The following VIL1 variants were observed in gnomAD, a reference collection of about 807,000 sequenced individuals.
VIL1 encodes the protein villin-1.
In VIL1, 86 loss-of-function variants were observed where a neutral mutation model predicts 104.0. The observed-to-expected ratio is 0.83, with a 90% CI of 0.69 to 0.99. The LOEUF (loss-of-function observed/expected upper bound fraction) is 0.99. VIL1 is among the 50% of genes least tolerant of loss of function. The pLI is 0.00. For synonymous variants in VIL1, 394 were observed against 412.6 expected, an observed-to-expected ratio of 0.95 and a Z score of 0.55; for missense variants, 944 against 1,054.1, an observed-to-expected ratio of 0.90 and a Z score of 1.45.
chr2:218,437,443 T>C (rs2106395149), intron 17 of VIL1, 131 bp downstream of exon 17: 1 of 1,243,766 alleles, frequency 8.0e-7, no homozygotes, highest in Non-Finnish European at 1.1e-6. Context: ...AGGCTTAGAA[T>C]AGAAAGTAAG....
intron 1 of VIL1, among the ~76,000 whole-genome samples, chr2:218,419,902 A>G (rs573286390): frequency 3.3e-5 from 5 of 152,268 alleles, no homozygotes; most frequent in African/African-American, 7.2e-5. Context: ...TTCTCGGGAC[A>G]TCATCTGCTG....
At chr2:218,428,168 A>G (rs542702696) in intron 5 of VIL1, 59 bp from the exon 6 acceptor site, 1 of 1,601,846 alleles carries the variant, frequency 6.2e-7, no homozygotes, top group East Asian at 2.2e-5. Context: ...GGGATGGCCA[A>G]GATGATGGAT....
rs144272948 is a variant in VIL1 at position 218,432,174 on chromosome 2, C to T, written c.1332C>T (p.Tyr444=). 4.2e-5 allele frequency: 67 copies of T among 1,612,740 alleles called. No individual in the cohort carries two copies. Among genetic ancestry groups the T allele is most frequent in the Middle Eastern group, 1.7e-4 (1 of 5,884 alleles). Residue 444 remains tyrosine, a synonymous_variant, in exon 12 of 20, where the codon TAC becomes TAT. Coordinates refer to ENST00000248444, the MANE Select transcript of VIL1 (RefSeq NM_007127.3). ...GCGAGAAGCAGCATTACCTGCTCTA[C>T]GTTTGGCAGGTCAGGTCCCGCCACG... The part of the protein sequence containing the change: ...LIGEKQHYLL[Y]VWQGSQASQD...
intron 8 of VIL1, 21 bp from the exon 9 acceptor site, chr2:218,429,828 T>C (rs768806678): frequency 6.2e-7 from 1 of 1,609,282 alleles, no homozygotes; most frequent in Non-Finnish European, 8.5e-7. Flanking sequence ...TCCATCAGAC[T>C]CTTACCTCTC....
chr2:218,421,505 G>A (rs1480859088), intron 1 of VIL1, among the ~76,000 whole-genome samples: 1 of 152,118 alleles, frequency 6.6e-6, no homozygotes, highest in Non-Finnish European at 1.5e-5. Flanking sequence ...GACGGGCCCT[G>A]GTCTTCCTGG....
chr2:218,433,473 C>T (rs1377369458), intron 13 of VIL1, among the ~76,000 whole-genome samples: 1 of 151,826 alleles, frequency 6.6e-6, no homozygotes, highest in African/African-American at 2.4e-5. Flanking sequence ...TGCGGTGGCT[C>T]TCACCTGTAA....
Position 218,436,732 on chromosome 2 carries a change from A to G in VIL1, c.1971+106A>G. On this transcript the variant is annotated intron_variant, in intron 16 of 19. Transcript: ENST00000248444. ...AAGTGTCAATGTTTTCTTGGCCCTT[A>G]CATAATTTCTCCCTGGAAATGGTAT... The G allele has an allele frequency of 2.2e-6, 3 of 1,392,804 alleles. No individual in the cohort carries two copies. In the South Asian group the frequency reaches 4.2e-5, roughly 20 times the overall value. 86.3% of individuals were successfully genotyped at this position (1,392,804 alleles called of 1,614,324 possible).
At chr2:218,443,748 G>A (rs546299332) in intron 19 of VIL1, among the ~76,000 whole-genome samples, 3 of 150,326 alleles carry the variant, frequency 2.0e-5, no homozygotes, top group Admixed American at 1.3e-4. Context: ...TCCGCCTCCC[G>A]AGTTCAAGCA....
intron 4 of VIL1, 87 bp from the exon 5 acceptor site, chr2:218,427,878 C>G (rs1689029504): frequency 7.7e-7 from 1 of 1,306,912 alleles, no homozygotes; most frequent in Admixed American, 1.7e-5. Context: ...CTCACGTGAC[C>G]CCAGCGTGGC....
chr2:218,449,249 T>C lies in VIL1; in HGVS notation c.2397T>C (p.Thr799=). 3.1e-6 allele frequency: 5 copies of C among 1,614,042 alleles called. No individual in the cohort carries two copies. The highest frequency in any genetic ancestry group is 4.2e-6 in the Non-Finnish European group (5 of 1,179,924). Residue 799 remains threonine, a synonymous_variant, in exon 20 of 20, where the codon ACT becomes ACC. Transcript: ENST00000248444. ...AACACCTGTCCATTGAAGATTTCACTCAGGCCTTTGGGATGACTCCAGCTG... is the reference window on the plus strand; with the variant it reads ...AACACCTGTCCATTGAAGATTTCACCCAGGCCTTTGGGATGACTCCAGCTG... ...KEEHLSIEDF[T]QAFGMTPAAF...
In VIL1 at chr2:218,451,619, C is replaced by A. The variant is rs1239080914; in HGVS notation, c.*2283C>A. On this transcript the variant is annotated 3_prime_UTR_variant, in exon 20 of 20. Coordinates refer to ENST00000248444, the MANE Select transcript of VIL1 (RefSeq NM_007127.3). ...GTATAGTTACATAATGGTAACTACA[C>A]ACGATACAGAAGAATCAGTAAATTC... 2 of 151,832 alleles carry A rather than the reference C, an allele frequency of 1.3e-5. No individual in the cohort carries two copies. The highest frequency in any genetic ancestry group is 4.8e-5 in the African/African-American group (2 of 41,342). The allele number at this position is 151,832 out of a possible 1,614,324, so 9.4% of individuals were successfully genotyped here. A position where few individuals can be genotyped will look rare whatever the true frequency, so the allele number is the denominator to read the frequency against.
At chr2:218,434,440 C>T in intron 13 of VIL1, 86 bp from the exon 14 acceptor site, 1 of 1,415,326 alleles carries the variant, frequency 7.1e-7, no homozygotes, top group Non-Finnish European at 9.6e-7. Flanking sequence ...ACCTCCCCGC[C>T]CTACCCTATC....
chr2:218,431,220 G>T (rs767109627), intron 10 of VIL1: 25 of 469,292 alleles, frequency 5.3e-5, no homozygotes, highest in Non-Finnish European at 8.2e-5. Context: ...GCATGGTGGT[G>T]CATGCCTGTA....
chr2:218,422,165 G>T (rs1688907477), intron 1 of VIL1, among the ~76,000 whole-genome samples: 1 of 152,136 alleles, frequency 6.6e-6, no homozygotes, highest in African/African-American at 2.4e-5. Context: ...TGAGGCAGGA[G>T]AATCACTTGA....
rs116520200 is a variant in VIL1, at chr2:218,427,848, C to T, written c.348-117C>T. ...TGCGCCCTCAGCACCTCATTGACCT[C>T]GCCTACTCCCACCCTGGCCCTCACG... On this transcript the variant is annotated intron_variant, in intron 4 of 19. Transcript: ENST00000248444. 1.9e-5 allele frequency: 17 copies of T among 897,144 alleles called. No homozygotes were observed. The African/African-American group carries it at 2.0e-4, about 10-fold the overall frequency. The allele number at this position is 897,144 out of a possible 1,614,324, so 55.6% of individuals were successfully genotyped here.
Position 218,430,753 on chromosome 2 carries a change from C to A in VIL1, c.977C>A (p.Pro326Gln), listed in dbSNP as rs759904250. ...LNFIKAKQYP[P>Q]STQVEVQNDG... Reference sequence around the variant, plus strand: ...TTCATCAAAGCCAAGCAGTACCCACCAAGCACACAGGTGGAGGTGCAGAAT... The same window carrying A: ...TTCATCAAAGCCAAGCAGTACCCACAAAGCACACAGGTGGAGGTGCAGAAT... The change falls in exon 10 of 20, where the codon CCA becomes CAA. Residue 326 changes from proline to glutamine, a missense_variant. Pro to Gln is a moderately conservative substitution (Grantham distance 76). Coordinates refer to ENST00000248444, the MANE Select transcript of VIL1 (RefSeq NM_007127.3). The A allele has an allele frequency of 1.3e-5, 21 of 1,608,910 alleles. No individual in the cohort carries two copies. The Admixed American group carries it at 3.5e-4, about 27-fold the overall frequency.
At chr2:218,444,530 G>A (rs1689335250) in intron 19 of VIL1, among the ~76,000 whole-genome samples, 1 of 148,786 alleles carries the variant, frequency 6.7e-6, no homozygotes, top group South Asian at 2.2e-4. Context: ...TGCCCGCCTT[G>A]GCCTCCCAAA....
Position 218,437,245 on chromosome 2 carries a change from T to C in VIL1, c.2093T>C (p.Val698Ala), listed in dbSNP as rs781247362. The change falls in exon 17 of 20, where the codon GTG becomes GCG. Residue 698 changes from valine to alanine, a missense_variant. By Grantham distance (64) the Val-to-Ala change is moderately conservative (BLOSUM62 0). Coordinates refer to ENST00000248444, the MANE Select transcript of VIL1 (RefSeq NM_007127.3). ...GRDPETPIIV[V>A]KQGHEPPTFT... ...GACCCTGAGACCCCCATCATTGTGGTGAAGCAGGGACACGAGCCCCCCACC... is the reference window on the plus strand; with the variant it reads ...GACCCTGAGACCCCCATCATTGTGGCGAAGCAGGGACACGAGCCCCCCACC... 51 of 1,614,182 alleles carry C rather than the reference T, an allele frequency of 3.2e-5. No homozygotes were observed. The highest frequency in any genetic ancestry group is 4.3e-5 in the Non-Finnish European group (51 of 1,180,020).
chr2:218,446,983 C>T (rs59205503), intron 19 of VIL1, among the ~76,000 whole-genome samples: 7,965 of 151,990 alleles, frequency 0.052, 677 homozygotes, highest in African/African-American at 0.18. Flanking sequence ...AGGCTGGTCT[C>T]GAACTCCTGA....
Sources: gnomAD v4.1 joint callset for allele counts (sites outside exome capture counted in the v4.1 genomes callset) on GRCh38, gnomAD v4.1.1 for gene constraint, MANE v1.5 for transcripts, NCBI Gene and HGNC (gene_info 2026-07-23, HGNC 2026-07-21) for gene names.